CCDC7: variants seen among roughly 807,000 people sequenced by gnomAD.
The protein encoded by CCDC7 is coiled-coil domain containing 7, also known as coiled-coil domain-containing protein 7.
In CCDC7, 183 loss-of-function variants were observed where a neutral mutation model predicts 196.9. The observed-to-expected ratio is 0.93, with a 90% CI of 0.82 to 1.05. CCDC7 has a LOEUF of 1.05. Among genes scored for constraint, CCDC7 ranks in the 50% least tolerant of loss-of-function variants. CCDC7 has a pLI of 0.00. For synonymous variants in CCDC7, 525 were observed against 484.6 expected, an observed-to-expected ratio of 1.08 and a Z score of -1.10; for missense variants, 1,540 against 1,482.2, an observed-to-expected ratio of 1.04 and a Z score of -0.64.
At chr10:32,734,905 C>G (rs1403783219) in intron 28 of CCDC7, among the ~76,000 whole-genome samples, 3 of 151,528 alleles carry the variant, frequency 2.0e-5, no homozygotes, top group Admixed American at 6.6e-5. Context: ...CTCCAAAAAA[C>G]AAATAAAATT....
chr10:32,797,181 G>GTA (rs201318562), intron 29 of CCDC7, among the ~76,000 whole-genome samples: 20,644 of 149,784 alleles, frequency 0.14, 1,737 homozygotes, highest in East Asian at 0.25. Context: ...GTGTGTGTGT[G>GTA]TATATATATA....
rs1199067934 is a variant in CCDC7 at position 32,665,130 on chromosome 10, A to T, written c.2122+969A>T. Reference sequence around the variant, plus strand: ...GTCTTCATTAGAGAAATGTCTATTCAGATCCCATACTCATCTTTTATTTGC... The same window carrying T: ...GTCTTCATTAGAGAAATGTCTATTCTGATCCCATACTCATCTTTTATTTGC... On this transcript the variant is annotated intron_variant, in intron 21 of 41. Coordinates refer to ENST00000639629, the Ensembl canonical transcript of CCDC7. 1.3e-5 allele frequency among the ~76,000 whole-genome samples: 2 copies of T among 152,078 alleles called. 1 individual carries two copies. The highest frequency in any genetic ancestry group is 2.9e-5 in the Non-Finnish European group (2 of 67,952).
chr10:32,745,870 T>C (rs2074632513), intron 28 of CCDC7, among the ~76,000 whole-genome samples: 1 of 152,232 alleles, frequency 6.6e-6, no homozygotes, highest in Non-Finnish European at 1.5e-5. Context: ...TTTATTTAGT[T>C]CTTCCTTGAT....
At chr10:32,520,054 T>A (rs1202818736) in intron 11 of CCDC7, among the ~76,000 whole-genome samples, 1 of 152,142 alleles carries the variant, frequency 6.6e-6, no homozygotes, top group Non-Finnish European at 1.5e-5. Flanking sequence ...CACAATCTCC[T>A]TTTTTATGAC....
At chr10:32,778,440 G>T (rs2080470114) in intron 28 of CCDC7, among the ~76,000 whole-genome samples, 3 of 152,032 alleles carry the variant, frequency 2.0e-5, no homozygotes, top group Non-Finnish European at 2.9e-5. Context: ...ATTGAGTAAG[G>T]AGTCCCTATT....
chr10:32,460,476 A>C (rs12415699), intron 3 of CCDC7, among the ~76,000 whole-genome samples: 16,067 of 152,176 alleles, frequency 0.11, 1,055 homozygotes, highest in South Asian at 0.25. Context: ...ATTATTGTAG[A>C]ACTATGGCTA....
At chr10:32,464,602 C>T (rs1016651690) in intron 5 of CCDC7, among the ~76,000 whole-genome samples, 7 of 152,202 alleles carry the variant, frequency 4.6e-5, no homozygotes, top group East Asian at 1.9e-4. Context: ...CTTGACCTCC[C>T]GGGCTCAGGT....
At chr10:32,737,087 C>T (rs1182643387) in intron 28 of CCDC7, among the ~76,000 whole-genome samples, 1 of 152,048 alleles carries the variant, frequency 6.6e-6, no homozygotes, top group Non-Finnish European at 1.5e-5. Flanking sequence ...TTAGATTTTG[C>T]CAAATGATGT....
At chr10:32,480,805 G>A (rs1049870242) in intron 8 of CCDC7, among the ~76,000 whole-genome samples, 2 of 152,122 alleles carry the variant, frequency 1.3e-5, no homozygotes, top group African/African-American at 4.8e-5. Context: ...TTGCACTTGA[G>A]AAAGCTCTAT....
chr10:32,574,466 C>A (rs2057958987), intron 16 of CCDC7: 1 of 1,590,986 alleles, frequency 6.3e-7, no homozygotes. Context: ...GGAAAAGTCT[C>A]CCAAACCTTC....
At chr10:32,760,537 T>C (rs981110663) in intron 28 of CCDC7, among the ~76,000 whole-genome samples, 7 of 151,934 alleles carry the variant, frequency 4.6e-5, no homozygotes, top group African/African-American at 1.5e-4. Flanking sequence ...TAGGTGGGAA[T>C]TGAACAATGA....
intron 9 of CCDC7, among the ~76,000 whole-genome samples, chr10:32,502,162 A>C (rs1374601365): frequency 6.6e-6 from 1 of 152,038 alleles, no homozygotes; most frequent in Non-Finnish European, 1.5e-5. Flanking sequence ...AGTTTGCTGG[A>C]CTCTGTGGGG....
intron 28 of CCDC7, among the ~76,000 whole-genome samples, chr10:32,740,115 G>A (rs774943814): frequency 2.6e-5 from 4 of 152,076 alleles, no homozygotes; most frequent in African/African-American, 7.2e-5. Flanking sequence ...TGAACAGGAG[G>A]TTTATAGGGG....
intron 18 of CCDC7, among the ~76,000 whole-genome samples, chr10:32,622,243 G>A (rs1161178494): frequency 6.6e-6 from 1 of 152,108 alleles, no homozygotes; most frequent in Non-Finnish European, 1.5e-5. Flanking sequence ...GACCCATAGA[G>A]TCCTATCTAC....
intron 14 of CCDC7, among the ~76,000 whole-genome samples, chr10:32,567,043 T>C (rs2056922316): frequency 1.5e-5 from 2 of 134,200 alleles, no homozygotes; most frequent in Non-Finnish European, 1.7e-5. Context: ...ATATAGCTAA[T>C]ATATATATAA....
chr10:32,691,888 C>T (rs2077132052), intron 23 of CCDC7, among the ~76,000 whole-genome samples: 2 of 152,212 alleles, frequency 1.3e-5, no homozygotes, highest in African/African-American at 4.8e-5. Flanking sequence ...TAGTTCCCAA[C>T]TGAGGAAGGA....
intron 3 of CCDC7, among the ~76,000 whole-genome samples, chr10:32,457,020 A>AAT (rs3030621): frequency 0.14 from 20,419 of 149,738 alleles, 1,681 homozygotes; most frequent in East Asian, 0.25. Flanking sequence ...AAATATATAA[A>AAT]ATATATATAT....
At chr10:32,698,861 A>G (rs188669123) in intron 24 of CCDC7, among the ~76,000 whole-genome samples, 3 of 152,256 alleles carry the variant, frequency 2.0e-5, no homozygotes, top group East Asian at 1.9e-4. Context: ...GAACGCCACA[A>G]AGTTACTCCT....
In CCDC7 at chr10:32,845,970, G is replaced by A; in HGVS notation, c.3604+11G>A. On this transcript the variant is annotated intron_variant, in intron 36 of 41. Transcript: ENST00000639629. ...TGAAGAGTCACCGAGGTAAGAGAAA[G>A]AATTTTTCAAGTCTAATATTTAGGC... 1 of 1,592,624 alleles carries A rather than the reference G, an allele frequency of 6.3e-7. No individual in the cohort carries two copies. The highest frequency in any genetic ancestry group is 1.7e-5 in the Admixed American group (1 of 59,286).
Sources: allele counts gnomAD v4.1 joint callset (sites outside exome capture counted in the v4.1 genomes callset), GRCh38; gene constraint gnomAD v4.1.1; transcripts MANE v1.5; gene names NCBI Gene and HGNC (gene_info 2026-07-23, HGNC 2026-07-21).